Variants in ACBD6 observed in about 807,000 individuals in gnomAD.
ACBD6 encodes the protein acyl-CoA binding domain containing 6, also known as acyl-CoA-binding domain-containing protein 6.
In ACBD6, 28 loss-of-function variants were observed where a neutral mutation model predicts 37.2. The observed-to-expected ratio is 0.75, with a 90% CI of 0.56 to 1.03. The LOEUF is 1.03. ACBD6 is among the 50% of genes least tolerant of loss of function. ACBD6 has a pLI of 0.00. For missense variants in ACBD6, 340 were observed against 337.4 expected (o/e 1.01, Z -0.06); for synonymous variants, 113 against 126.8 (o/e 0.89, Z 0.73).
intron 1 of ACBD6, among the ~76,000 whole-genome samples, chr1:180,500,132 TAAAA>T (rs778814281): frequency 7.5e-6 from 1 of 133,314 alleles, no homozygotes. Context: ...CTTTTTTAGT[TAAAA>T]AAAAAAAAAA....
chr1:180,502,109 A>G lies in ACBD6; in HGVS notation c.158T>C (p.Leu53Pro), dbSNP rs1196317434. 3.7e-6 allele frequency: 6 copies of G among 1,613,912 alleles called. No homozygotes were observed. The highest frequency in any genetic ancestry group is 5.1e-6 in the Non-Finnish European group (6 of 1,179,902). The change falls in exon 1 of 8, where the codon CTG becomes CCG. Residue 53 changes from leucine to proline, a missense_variant. Physicochemically the swap from Leu to Pro is moderately conservative, Grantham distance 98. Transcript: ENST00000367595. ...AELFEKAAAH[L>P]QGLIQVASRE... The stretch of plus-strand genomic sequence containing the variant: ...GCTGGCCACCTGAATCAGGCCTTGC[A>G]GGTGCGCGGCAGCCTTCTCAAACAG...
intron 2 of ACBD6, among the ~76,000 whole-genome samples, chr1:180,493,724 T>C (rs1163983906): frequency 2.6e-5 from 4 of 152,168 alleles, no homozygotes; most frequent in Admixed American, 2.0e-4. Flanking sequence ...GTCCCAATAA[T>C]GTCCTTTATG....
chr1:180,399,751 A>G (rs1441760215), intron 5 of ACBD6, among the ~76,000 whole-genome samples: 4 of 152,242 alleles, frequency 2.6e-5, no homozygotes, highest in Non-Finnish European at 4.4e-5. Flanking sequence ...AATAAATACT[A>G]ATGAATAAAA....
At chr1:180,278,973 A>T (rs1004854642) in intron 9 of ACBD6, 2 of 152,188 alleles carry the variant, frequency 1.3e-5, no homozygotes, top group African/African-American at 4.8e-5. Flanking sequence ...ATAAATATGG[A>T]AATTCTTTAG....
rs79048404 is a variant in ACBD6, at chr1:180,416,806, T to C, written c.468-3335A>G. Among the ~76,000 whole-genome samples the C allele has an allele frequency of 8.0e-3, 1,220 of 152,290 alleles. 13 individuals are homozygous for C. Among genetic ancestry groups the C allele is most frequent in the African/African-American group, 0.028 (1,168 of 41,554 alleles). Reference sequence around the variant, plus strand: ...ATTCCTAAATATGTTATCTGTACCATTTTCTACTCAGATAGCATTTTCTTA... The same window carrying C: ...ATTCCTAAATATGTTATCTGTACCACTTTCTACTCAGATAGCATTTTCTTA... On this transcript the variant is annotated intron_variant, in intron 4 of 7. Transcript: ENST00000367595.
intron 6 of ACBD6, among the ~76,000 whole-genome samples, chr1:180,318,176 A>ACC: frequency 4.0e-5 from 1 of 24,736 alleles, no homozygotes; most frequent in South Asian, 9.7e-4. Context: ...CCCCCCCCCC[A>ACC]AAAAAAAAAG....
rs1649000995 is a variant in ACBD6, at chr1:180,435,577, C to A, written c.385-5315G>T. On this transcript the variant is annotated intron_variant, in intron 3 of 7. Coordinates refer to ENST00000367595, the MANE Select transcript of ACBD6 (RefSeq NM_032360.4). The stretch of plus-strand genomic sequence containing the variant: ...GGATGAATTTTGAGACTGCAAAGTC[C>A]CGAGTAACCCAGAGCAACTTTGCAG... 15 of 1,038,470 alleles carry A rather than the reference C, an allele frequency of 1.4e-5. 1 individual carries two copies. The South Asian group carries it at 2.1e-4, about 15-fold the overall frequency. The allele number at this position is 1,038,470 out of a possible 1,614,324, so 64.3% of individuals were successfully genotyped here. A position where few individuals can be genotyped will look rare whatever the true frequency, so the allele number is the denominator to read the frequency against.
At chr1:180,375,621 C>T (rs1029746309) in intron 6 of ACBD6, among the ~76,000 whole-genome samples, 6 of 152,152 alleles carry the variant, frequency 3.9e-5, no homozygotes, top group African/African-American at 1.4e-4. Flanking sequence ...CCACTGTGCC[C>T]AGCTGGAATA....
intron 3 of ACBD6, among the ~76,000 whole-genome samples, chr1:180,479,823 A>G (rs1390603539): frequency 1.3e-5 from 2 of 151,992 alleles, no homozygotes; most frequent in Non-Finnish European, 2.9e-5. Flanking sequence ...CCCTGTCCCT[A>G]TTAAAAATAC....
chr1:180,497,823 G>A (rs1205070432), intron 1 of ACBD6, among the ~76,000 whole-genome samples: 3 of 151,984 alleles, frequency 2.0e-5, no homozygotes, highest in Admixed American at 6.6e-5. Flanking sequence ...AAGAAAATTC[G>A]GCTTCACGCA....
intron 4 of ACBD6, among the ~76,000 whole-genome samples, chr1:180,427,918 CA>C (rs11435254): frequency 1.4e-3 from 132 of 95,768 alleles, no homozygotes; most frequent in Middle Eastern, 6.8e-3. Flanking sequence ...GACTCTGTCT[CA>C]AAAAAAAAAA....
intron 3 of ACBD6, among the ~76,000 whole-genome samples, chr1:180,457,703 T>A (rs1163728259): frequency 6.6e-6 from 1 of 152,046 alleles, no homozygotes; most frequent in Non-Finnish European, 1.5e-5. Context: ...GCCAGAGAAT[T>A]TTCACATAAT....
At chr1:180,318,175 C>CCCAA (rs10632390) in intron 6 of ACBD6, among the ~76,000 whole-genome samples, 3 of 102,798 alleles carry the variant, frequency 2.9e-5, no homozygotes, top group African/African-American at 6.9e-5. Context: ...CCCCCCCCCC[C>CCCAA]AAAAAAAAAA....
intron 7 of ACBD6, among the ~76,000 whole-genome samples, chr1:180,297,925 A>G (rs1440319728): frequency 6.6e-6 from 1 of 152,048 alleles, no homozygotes; most frequent in Admixed American, 6.6e-5. Context: ...TGTATTTTTT[A>G]GTAGAGGTGG....
At chr1:180,426,009 G>A (rs1489060868) in intron 4 of ACBD6, among the ~76,000 whole-genome samples, 1 of 152,172 alleles carries the variant, frequency 6.6e-6, no homozygotes, top group Non-Finnish European at 1.5e-5. Context: ...AACTTTATAA[G>A]TCAATGATTA....
intron 4 of ACBD6, among the ~76,000 whole-genome samples, chr1:180,424,576 G>A (rs1648508083): frequency 1.3e-5 from 2 of 152,124 alleles, no homozygotes; most frequent in East Asian, 3.8e-4. Flanking sequence ...TCTCATTACT[G>A]TAATGGATAC....
intron 7 of ACBD6, among the ~76,000 whole-genome samples, chr1:180,301,818 C>CT (rs1650141587): frequency 6.6e-6 from 1 of 152,128 alleles, no homozygotes; most frequent in African/African-American, 2.4e-5. Flanking sequence ...TCACCTGGCA[C>CT]TTTAAGCACA....
chr1:180,394,328 G>C (rs1654181409), intron 6 of ACBD6, among the ~76,000 whole-genome samples: 1 of 151,608 alleles, frequency 6.6e-6, no homozygotes, highest in Non-Finnish European at 1.5e-5. Flanking sequence ...GGCCTCAAGT[G>C]ATCCTCCTGA....
intron 3 of ACBD6, among the ~76,000 whole-genome samples, chr1:180,460,860 C>T (rs1416470080): frequency 1.3e-5 from 2 of 152,228 alleles, no homozygotes; most frequent in South Asian, 2.1e-4. Flanking sequence ...ATGACAACAT[C>T]GCTGCTCCAG....
Sources: gnomAD v4.1 joint callset for allele counts (sites outside exome capture counted in the v4.1 genomes callset) on GRCh38, gnomAD v4.1.1 for gene constraint, MANE v1.5 for transcripts, NCBI Gene and HGNC (gene_info 2026-07-23, HGNC 2026-07-21) for gene names.